FRMPD2: variants seen among roughly 807,000 people sequenced by gnomAD.
FRMPD2 encodes the protein FERM and PDZ domain-containing protein 2.
Under a neutral mutation model 140.1 loss-of-function variants are expected in FRMPD2, and 96 were observed. The observed-to-expected ratio is 0.69, with a 90% confidence interval of 0.58 to 0.81. The LOEUF (loss-of-function observed/expected upper bound fraction) is 0.81. Among genes scored for constraint, FRMPD2 ranks in the 40% least tolerant of loss-of-function variants. The pLI is 0.00. For missense variants in FRMPD2, 1,240 were observed against 1,447.4 expected, an observed-to-expected ratio of 0.86 and a Z score of 2.32; for synonymous variants, 449 against 547.6, an observed-to-expected ratio of 0.82 and a Z score of 2.52.
rs185887562 is a variant in FRMPD2, at chr10:48,263,398, A to G, written c.25+11145T>C. ...AAGCAGATTATTTGAAAACAACAAC[A>G]AAACTGATAAACCCATAGCCAAGTA... On this transcript the variant is annotated intron_variant, in intron 1 of 28. Transcript: ENST00000374201. 3.0e-4 allele frequency among the ~76,000 whole-genome samples: 46 copies of G among 152,132 alleles called. No homozygotes were observed. In the East Asian group the frequency reaches 4.4e-3, roughly 15 times the overall value.
chr10:48,158,670 C>G (rs1837854179), intron 28 of FRMPD2, among the ~76,000 whole-genome samples: 1 of 148,750 alleles, frequency 6.7e-6, no homozygotes, highest in South Asian at 2.2e-4. Flanking sequence ...TGCCCTCACT[C>G]TCTGCCCACC....
chr10:48,240,472 C>T lies in FRMPD2; in HGVS notation c.588G>A (p.Glu196=), dbSNP rs114004866. ...TISEVEKRVV[E]ESSSVQQNRS... is the part of the protein sequence containing the mutation. ...TGTTCTGCTGCACAGAGGAGCTTTC[C>T]TCCACAACTCTTTTCTCCACCTGGG... The change falls in exon 6 of 29, where the codon GAG becomes GAA. Residue 196 remains glutamate, a synonymous_variant. Coordinates refer to ENST00000374201, the MANE Select transcript of FRMPD2 (RefSeq NM_001018071.4). 2 of 1,613,828 alleles carry T rather than the reference C, an allele frequency of 1.2e-6. No individual in the cohort carries two copies. Among genetic ancestry groups the T allele is most frequent in the South Asian group, 1.1e-5 (1 of 91,090 alleles).
At chr10:48,207,226 C>A (rs1167599567) in intron 13 of FRMPD2, among the ~76,000 whole-genome samples, 1 of 148,870 alleles carries the variant, frequency 6.7e-6, no homozygotes, top group East Asian at 2.0e-4. Flanking sequence ...ATGAAAATAA[C>A]ACAGTACAAT....
chr10:48,239,414 C>A (rs1840047559), intron 7 of FRMPD2, among the ~76,000 whole-genome samples, 191 bp downstream of exon 7: 1 of 152,210 alleles, frequency 6.6e-6, no homozygotes, highest in African/African-American at 2.4e-5. Flanking sequence ...ACAGCTGCCA[C>A]CAGGCCCCTC....
chr10:48,273,541 C>T (rs895331300), intron 1 of FRMPD2, among the ~76,000 whole-genome samples: 1 of 152,192 alleles, frequency 6.6e-6, no homozygotes, highest in Admixed American at 6.5e-5. Flanking sequence ...TTTTCCAATC[C>T]CCCTGCTCCC....
chr10:48,204,550 G>A (rs531453176), intron 14 of FRMPD2, among the ~76,000 whole-genome samples: 1 of 152,152 alleles, frequency 6.6e-6, no homozygotes, highest in East Asian at 1.9e-4. Flanking sequence ...AATAATCAGG[G>A]TACGCCATTA....
intron 25 of FRMPD2, among the ~76,000 whole-genome samples, chr10:48,172,597 G>A (rs1251757407): frequency 3.7e-4 from 56 of 151,428 alleles, no homozygotes; most frequent in African/African-American, 1.4e-3. Flanking sequence ...AAATGACTTG[G>A]CTGGACTGTG....
At chr10:48,177,965 G>T in intron 22 of FRMPD2, 82 bp downstream of exon 22, 8 of 659,142 alleles carry the variant, frequency 1.2e-5, no homozygotes, top group South Asian at 1.0e-4. Context: ...ACTGTCAGAG[G>T]TTGCCATCTG....
In FRMPD2 at chr10:48,239,592, C is replaced by A; in HGVS notation, c.788+13G>T. 1 of 1,608,252 alleles carries A rather than the reference C, an allele frequency of 6.2e-7. No homozygotes were observed. The highest frequency in any genetic ancestry group is 1.1e-5 in the South Asian group (1 of 90,768). ...CATCAAGTTCACAGCACCCTTTAGGCCTTGCTGCTTACCGGTTAACAAGGA... is the reference window on the plus strand; with the variant it reads ...CATCAAGTTCACAGCACCCTTTAGGACTTGCTGCTTACCGGTTAACAAGGA... On this transcript the variant is annotated intron_variant, in intron 7 of 28. Coordinates refer to ENST00000374201, the MANE Select transcript of FRMPD2 (RefSeq NM_001018071.4).
At chr10:48,176,523 C>T (rs1178645306) in intron 22 of FRMPD2, among the ~76,000 whole-genome samples, 44 of 151,210 alleles carry the variant, frequency 2.9e-4, no homozygotes, top group African/African-American at 7.3e-4. Flanking sequence ...TGGCTTTTCA[C>T]GGGTTTGAGT....
chr10:48,176,690 T>G (rs1588806867), intron 22 of FRMPD2, among the ~76,000 whole-genome samples: 1 of 150,804 alleles, frequency 6.6e-6, no homozygotes, highest in East Asian at 1.9e-4. Context: ...AACCCAAAAT[T>G]TAGTCAGTTT....
intron 16 of FRMPD2, among the ~76,000 whole-genome samples, chr10:48,190,295 G>C (rs752621111): frequency 6.6e-6 from 1 of 152,084 alleles, no homozygotes; most frequent in Non-Finnish European, 1.5e-5. Flanking sequence ...CTTGGGAGCC[G>C]TCTCCTCCAC....
chr10:48,249,209 G>A (rs746339679), intron 2 of FRMPD2, 31 bp from the exon 3 acceptor site: 11 of 1,604,968 alleles, frequency 6.9e-6, no homozygotes, highest in Non-Finnish European at 6.0e-6. Context: ...GGGCTGTAGA[G>A]ACAGAGCTTC....
At chr10:48,253,607 A>G (rs1251392829) in intron 1 of FRMPD2, among the ~76,000 whole-genome samples, 1 of 152,192 alleles carries the variant, frequency 6.6e-6, no homozygotes, top group African/African-American at 2.4e-5. Context: ...AAAGCAATCA[A>G]TCCTTCAAAA....
At chr10:48,223,689 A>G (rs1232792042) in intron 10 of FRMPD2, among the ~76,000 whole-genome samples, 1 of 152,152 alleles carries the variant, frequency 6.6e-6, no homozygotes, top group Non-Finnish European at 1.5e-5. Context: ...TACAGTCCAA[A>G]TATGTGTGTC....
chr10:48,190,055 G>T (rs1451313407), intron 16 of FRMPD2, among the ~76,000 whole-genome samples: 1 of 152,200 alleles, frequency 6.6e-6, no homozygotes, highest in Non-Finnish European at 1.5e-5. Flanking sequence ...GGACTTCCAT[G>T]ATGCGGGGCT....
In FRMPD2 at chr10:48,265,043, G is replaced by T. The variant is rs143258830; in HGVS notation, c.25+9500C>A. Reference sequence around the variant, plus strand: ...ATAAACCAATGGAACAGAATAGACAGCCCAGAAATAAGGCCACACACCTAC... The same window carrying T: ...ATAAACCAATGGAACAGAATAGACATCCCAGAAATAAGGCCACACACCTAC... On this transcript the variant is annotated intron_variant, in intron 1 of 28. Transcript: ENST00000374201. Among the ~76,000 whole-genome samples the T allele has an allele frequency of 5.3e-3, 809 of 152,130 alleles. 9 individuals are homozygous for T. Among genetic ancestry groups the T allele is most frequent in the African/African-American group, 0.019 (775 of 41,522 alleles).
intron 1 of FRMPD2, 131 bp from the exon 2 acceptor site, chr10:48,251,822 C>CT (rs1449577943): frequency 1.0e-6 from 1 of 1,003,906 alleles, no homozygotes; most frequent in Non-Finnish European, 1.5e-6. Flanking sequence ...TTTTCAGCAC[C>CT]TGGGTCCCTG....
At chr10:48,187,452 G>A (rs564752926) in intron 16 of FRMPD2, among the ~76,000 whole-genome samples, 160 bp from the exon 17 acceptor site, 98 of 152,188 alleles carry the variant, frequency 6.4e-4, no homozygotes, top group Non-Finnish European at 7.5e-4. Context: ...GCTCCTCAGA[G>A]GGACCCCATC....
Sources: gnomAD v4.1 joint callset for allele counts (sites outside exome capture counted in the v4.1 genomes callset) on GRCh38, gnomAD v4.1.1 for gene constraint, MANE v1.5 for transcripts, NCBI Gene and HGNC (gene_info 2026-07-23, HGNC 2026-07-21) for gene names.